The following RYR2 variants were observed in gnomAD, a reference collection of about 807,000 sequenced individuals.
RYR2 encodes the protein ryanodine receptor 2, also known as cardiac muscle ryanodine receptor-calcium release channel.
In RYR2, 227 loss-of-function variants were observed where a neutral mutation model predicts 601.1. The ratio of observed to expected loss-of-function variants is 0.38; its 90% confidence interval spans 0.34 to 0.42. The LOEUF (loss-of-function observed/expected upper bound fraction) is 0.42, where lower values mean the gene tolerates loss of function less well. RYR2 is among the 10% of genes least tolerant of loss of function. RYR2 has a pLI of 1.00. For missense variants in RYR2, 4,646 were observed against 6,156.5 expected (o/e 0.75, Z 8.21); for synonymous variants, 2,223 against 2,175.1 (o/e 1.02, Z -0.61).
chr1:237,206,798 C>A (rs1681868596), intron 1 of RYR2, among the ~76,000 whole-genome samples: 1 of 152,150 alleles, frequency 6.6e-6, no homozygotes, highest in Non-Finnish European at 1.5e-5. Flanking sequence ...CTATTGGACA[C>A]TATCCCGGCC....
chr1:237,320,206 C>T (rs1695497331), intron 2 of RYR2, among the ~76,000 whole-genome samples: 1 of 152,054 alleles, frequency 6.6e-6, no homozygotes, highest in African/African-American at 2.4e-5. Flanking sequence ...AGAAGATTTG[C>T]CAACCTTCTC....
intron 1 of RYR2, chr1:237,270,236 C>T: frequency 3.3e-6 from 2 of 605,148 alleles, no homozygotes; most frequent in Non-Finnish European, 6.1e-6. Context: ...GGGGATCAGT[C>T]AGTACAGTCA....
chr1:237,198,954 C>T (rs1336381802), intron 1 of RYR2, among the ~76,000 whole-genome samples: 2 of 151,746 alleles, frequency 1.3e-5, no homozygotes, highest in Non-Finnish European at 2.9e-5. Flanking sequence ...TCTTCATTTG[C>T]ACCAAGAATT....
chr1:237,378,398 C>T (rs1266483035), intron 8 of RYR2, among the ~76,000 whole-genome samples: 2 of 152,074 alleles, frequency 1.3e-5, no homozygotes, highest in East Asian at 1.9e-4. Flanking sequence ...CAGAAGTTTA[C>T]AGTAAATTGA....
At chr1:237,527,068 C>T (rs1667666127) in intron 24 of RYR2, among the ~76,000 whole-genome samples, 1 of 152,136 alleles carries the variant, frequency 6.6e-6, no homozygotes, top group Non-Finnish European at 1.5e-5. Flanking sequence ...TGTCATTTCT[C>T]CAGTGTTTAT....
intron 1 of RYR2, among the ~76,000 whole-genome samples, chr1:237,049,829 CTG>C (rs1661030230): frequency 6.6e-6 from 1 of 152,184 alleles, no homozygotes; most frequent in African/African-American, 2.4e-5. Flanking sequence ...CATTTAGTAA[CTG>C]AACTCCTAGT....
In RYR2 at chr1:237,141,166, G is replaced by T. The variant is rs117395874; in HGVS notation, c.48+98597G>T. The stretch of plus-strand genomic sequence containing the variant: ...TTTTGTTTCTTTTTCTTGTCTGGCT[G>T]TAGCTGCTAGAATTTCTAGTACCAT... On this transcript the variant is annotated intron_variant, in intron 1 of 104. Transcript: ENST00000366574. Among the ~76,000 whole-genome samples, 15 of 152,300 alleles carry T rather than the reference G, an allele frequency of 9.8e-5. No homozygotes were observed. In the East Asian group the frequency reaches 2.9e-3, roughly 29 times the overall value.
chr1:237,537,907 G>A (rs995957420), intron 25 of RYR2, among the ~76,000 whole-genome samples: 1 of 152,180 alleles, frequency 6.6e-6, no homozygotes, highest in African/African-American at 2.4e-5. Context: ...CTGGGGATAA[G>A]GAGGGGATTG....
chr1:237,072,269 G>A (rs531913115), intron 1 of RYR2, among the ~76,000 whole-genome samples: 55 of 152,332 alleles, frequency 3.6e-4, no homozygotes, highest in Non-Finnish European at 5.3e-4. Flanking sequence ...AGGGGCCACC[G>A]CCGCCATCAC....
At chr1:237,735,578 T>G (rs115654217) in intron 79 of RYR2, among the ~76,000 whole-genome samples, 1 of 152,276 alleles carries the variant, frequency 6.6e-6, no homozygotes, top group Non-Finnish European at 1.5e-5. Context: ...AACTCTAACC[T>G]ACAGCAAGAA....
At chr1:237,113,137 T>C (rs1011432366) in intron 1 of RYR2, among the ~76,000 whole-genome samples, 1 of 152,214 alleles carries the variant, frequency 6.6e-6, no homozygotes, top group African/African-American at 2.4e-5. Context: ...GGGGCTTTTT[T>C]CCCCTCCATC....
chr1:237,103,584 T>C (rs1668355197), intron 1 of RYR2, among the ~76,000 whole-genome samples: 1 of 152,206 alleles, frequency 6.6e-6, no homozygotes, highest in Non-Finnish European at 1.5e-5. Context: ...CCCTGTTTTT[T>C]TGAGACAGAA....
At position 237,641,001 on chromosome 1, in the gene RYR2, A is replaced by C. The variant is rs1197580766; in HGVS notation, c.7220A>C (p.His2407Pro). 1.2e-6 allele frequency: 2 copies of C among 1,607,036 alleles called. No individual in the cohort carries two copies. Among genetic ancestry groups the C allele is most frequent in the African/African-American group, 2.7e-5 (2 of 74,784 alleles). The change falls in exon 47 of 105, where the codon CAT becomes CCT. Residue 2407 changes from histidine (H) to proline (P), a missense_variant and splice_region_variant. Physicochemically the swap from His to Pro is moderately conservative, Grantham distance 77 (BLOSUM62 -2). Coordinates refer to ENST00000366574, the MANE Select transcript of RYR2 (RefSeq NM_001035.3). ...DLLGRCAPEMHLIHAGKGEAI... is the reference protein window; with the variant it reads ...DLLGRCAPEMPLIHAGKGEAI... ...TTGGGACGCTGTGCTCCTGAGATGC[A>C]TGTGAGTTTCTGGGAGTTCAGGAGC...
chr1:237,299,257 A>G (rs1693117198), intron 2 of RYR2, among the ~76,000 whole-genome samples: 1 of 151,894 alleles, frequency 6.6e-6, no homozygotes, highest in Admixed American at 6.6e-5. Flanking sequence ...TTCTCATGGT[A>G]GAATTAAGAG....
At chr1:237,468,738 A>C (rs996098472) in intron 16 of RYR2, among the ~76,000 whole-genome samples, 1 of 152,228 alleles carries the variant, frequency 6.6e-6, no homozygotes, top group African/African-American at 2.4e-5. Flanking sequence ...AGAGAGAAGA[A>C]TAATTTAATC....
chr1:237,297,822 C>T (rs570777046), intron 2 of RYR2, among the ~76,000 whole-genome samples: 1 of 151,938 alleles, frequency 6.6e-6, no homozygotes, highest in East Asian at 1.9e-4. Flanking sequence ...GCAATTATAG[C>T]TCACTGCAGC....
intron 2 of RYR2, among the ~76,000 whole-genome samples, chr1:237,318,858 T>A (rs1412207742): frequency 6.6e-6 from 1 of 152,180 alleles, no homozygotes; most frequent in Non-Finnish European, 1.5e-5. Flanking sequence ...TTTCATCAAA[T>A]TGGAAGTTTG....
intron 1 of RYR2, among the ~76,000 whole-genome samples, chr1:237,225,703 C>A (rs975387889): frequency 4.6e-5 from 7 of 152,130 alleles, no homozygotes; most frequent in Admixed American, 2.6e-4. Context: ...CAGAAAGAGC[C>A]ATGGAGTGGG....
rs1324957330 is a variant in RYR2 at position 237,784,389 on chromosome 1, C to T, written c.12677C>T (p.Pro4226Leu). The stretch of plus-strand genomic sequence containing the variant: ...AAGGAAGAAAGCGAGAAGGAGAGGC[C>T]GGAAGAGCAGGGGCCGAGGATGGCT... ...ANKEESEKER[P>L]EEQGPRMAFF... The change falls in exon 90 of 105, where the codon CCG becomes CTG. Residue 4226 changes from proline to leucine, a missense_variant. Coordinates refer to ENST00000366574, the MANE Select transcript of RYR2 (RefSeq NM_001035.3). The surrounding 1 kb of genome is among the most constrained non-coding windows in gnomAD (Gnocchi z 7.1). 1.2e-6 allele frequency: 2 copies of T among 1,613,772 alleles called. No individual in the cohort carries two copies. Among genetic ancestry groups the T allele is most frequent in the African/African-American group, 1.3e-5 (1 of 74,978 alleles).
Sources: gnomAD v4.1 joint callset for allele counts (sites outside exome capture counted in the v4.1 genomes callset) on GRCh38, gnomAD v4.1.1 for gene constraint, Gnocchi (gnomAD v3.1) non-coding constraint, MANE v1.5 for transcripts, NCBI Gene and HGNC (gene_info 2026-07-23, HGNC 2026-07-21) for gene names.